The following RFT1 variants were observed in gnomAD, a reference collection of about 807,000 sequenced individuals.
RFT1 encodes RFT1 glycolipid translocator homolog.
In RFT1, 43 loss-of-function variants were observed where a neutral mutation model predicts 62.2. The observed-to-expected ratio is 0.69, with a 90% CI of 0.54 to 0.89. The LOEUF (loss-of-function observed/expected upper bound fraction) is 0.89. Among genes scored for constraint, RFT1 ranks in the 40% least tolerant of loss-of-function variants. RFT1 has a pLI of 0.00. For missense variants in RFT1, 605 were observed against 649.9 expected (o/e 0.93, Z 0.75); for synonymous variants, 262 against 264.6 (o/e 0.99, Z 0.10).
intron 11 of RFT1, 127 bp from the exon 12 acceptor site, chr3:53,092,745 C>T: frequency 9.1e-7 from 1 of 1,094,650 alleles, no homozygotes. Context: ...GTTTTCATAA[C>T]ATCGAATGCT....
the RFT1 span, among the ~76,000 whole-genome samples, chr3:53,082,653 G>T: frequency 3.3e-5 from 5 of 152,166 alleles, no homozygotes; most frequent in African/African-American, 1.2e-4. Context: ...GTAGCCCATA[G>T]ATAATAGATG....
intron 11 of RFT1, among the ~76,000 whole-genome samples, chr3:53,097,415 T>C (rs1701174207): frequency 6.6e-6 from 1 of 152,244 alleles, no homozygotes; most frequent in African/African-American, 2.4e-5. Flanking sequence ...TTACCCCACA[T>C]GGGAACTGCA....
At chr3:53,083,484 G>A (rs1675399751), downstream of RFT1, among the ~76,000 whole-genome samples, 2 of 131,580 alleles carry the variant, frequency 1.5e-5, no homozygotes, top group Non-Finnish European at 3.1e-5. Context: ...AACAGAGCAA[G>A]ACCCTATCTA....
In RFT1 at chr3:53,125,911, T is replaced by G. The variant is rs749357761; in HGVS notation, c.147A>C (p.Val49=). The change falls in exon 2 of 13, where the codon GTA becomes GTC. Residue 49 remains valine, a splice_region_variant and synonymous_variant. Coordinates refer to ENST00000296292, the MANE Select transcript of RFT1 (RefSeq NM_052859.4). ...LSKEIVGVVN[V]RLTLLYSTTL... ...TGCCAGGGTGCATCTCCTCCTACCT[T>G]ACATTTACTACGCCAACGATTTCCT... The G allele has an allele frequency of 6.2e-7, 1 of 1,612,986 alleles. No homozygotes were observed. The highest frequency in any genetic ancestry group is 2.2e-5 in the East Asian group (1 of 44,872).
the RFT1 span, among the ~76,000 whole-genome samples, chr3:53,077,424 C>G: frequency 6.6e-6 from 1 of 152,238 alleles, no homozygotes; most frequent in Admixed American, 6.5e-5. Context: ...AGGGGCTGCA[C>G]CCCATGCCTG....
chr3:53,096,670 G>C (rs1273651027), intron 11 of RFT1, among the ~76,000 whole-genome samples: 2 of 151,966 alleles, frequency 1.3e-5, no homozygotes, highest in African/African-American at 4.8e-5. Flanking sequence ...GCCACAGAGC[G>C]AGACTCTTGT....
chr3:53,112,378 C>T (rs900616182), intron 6 of RFT1, among the ~76,000 whole-genome samples: 1 of 152,202 alleles, frequency 6.6e-6, no homozygotes, highest in African/African-American at 2.4e-5. Flanking sequence ...TTAGCCTTCG[C>T]AGGTCAGGTA....
intron 11 of RFT1, among the ~76,000 whole-genome samples, chr3:53,096,542 G>A (rs1247902772): frequency 6.6e-6 from 1 of 151,816 alleles, no homozygotes; most frequent in Non-Finnish European, 1.5e-5. Flanking sequence ...AAAATTAGCT[G>A]GGCATGGTCG....
At chr3:53,130,206 C>A in intron 1 of RFT1, 132 bp downstream of exon 1, 3 of 919,924 alleles carry the variant, frequency 3.3e-6, no homozygotes, top group Non-Finnish European at 5.2e-6. Flanking sequence ...CCGGTCGACC[C>A]CCCCACCCCC....
In RFT1 at chr3:53,099,505, C is replaced by G. The variant is rs898383146; in HGVS notation, c.1103-19G>C. 6.2e-7 allele frequency: 1 copy of G among 1,601,652 alleles called. No homozygotes were observed. Among genetic ancestry groups the G allele is most frequent in the African/African-American group, 1.3e-5 (1 of 74,698 alleles). On this transcript the variant is annotated intron_variant, in intron 10 of 12. Transcript: ENST00000296292. ...ACAGGACCTACAAGGAAACAACTCA[C>G]TGAGACTCCAGAGCCCAATCAGAAG... is the stretch of plus-strand genomic sequence containing the variant.
intron 1 of RFT1, 134 bp downstream of exon 1, chr3:53,130,204 C>T (rs551427780): frequency 4.5e-6 from 4 of 889,526 alleles, no homozygotes; most frequent in African/African-American, 3.3e-5. Context: ...CTCCGGTCGA[C>T]CCCCCCACCC....
the RFT1 span, among the ~76,000 whole-genome samples, chr3:53,082,860 A>G: frequency 6.6e-6 from 1 of 152,168 alleles, no homozygotes; most frequent in Non-Finnish European, 1.5e-5. Flanking sequence ...CGTTTAGAAG[A>G]TGAAATACAC....
intron 2 of RFT1, 47 bp downstream of exon 2, chr3:53,125,862 G>C: frequency 7.0e-7 from 1 of 1,432,388 alleles, no homozygotes; most frequent in South Asian, 1.2e-5. Context: ...AAGAAAGCCT[G>C]GCTAGGAAGG....
intron 6 of RFT1, among the ~76,000 whole-genome samples, chr3:53,117,897 T>C (rs1701853022): frequency 6.6e-6 from 1 of 152,152 alleles, no homozygotes; most frequent in African/African-American, 2.4e-5. Flanking sequence ...TTTTATTTAT[T>C]TAGTTATTTA....
rs201321724 is a variant in RFT1 at position 53,123,848 on chromosome 3, T to C, written c.150-8A>G. 57 of 1,606,436 alleles carry C rather than the reference T, an allele frequency of 3.5e-5. No homozygotes were observed. Among genetic ancestry groups the C allele is most frequent in the East Asian group, 1.3e-4 (6 of 44,840 alleles). On this transcript the variant is annotated splice_region_variant and splice_polypyrimidine_tract_variant and intron_variant, in intron 2 of 12. Coordinates refer to ENST00000296292, the MANE Select transcript of RFT1 (RefSeq NM_052859.4). The stretch of plus-strand genomic sequence containing the variant: ...GAGTAAAGCAGCGTTAGTCTGTAAA[T>C]GAAAGGGAGAAATCAATAAGGTCTC...
In RFT1 at chr3:53,104,075, G is replaced by A. The variant is rs935232566; in HGVS notation, c.980C>T (p.Ala327Val). Residue 327 changes from alanine to valine, a missense_variant, in exon 10 of 13, where the codon GCA becomes GTA. Coordinates refer to ENST00000296292, the MANE Select transcript of RFT1 (RefSeq NM_052859.4). ...CAGCTTGAGCAGGGACTCCAAGACT[G>A]CAGCAGCCACAGCAACGTCCTCCTG... is the stretch of plus-strand genomic sequence containing the variant. ...QKQEDVAVAA[A>V]VLESLLKLAL... The A allele has an allele frequency of 6.2e-7, 1 of 1,614,052 alleles. No individual in the cohort carries two copies.
chr3:53,069,086 T>C, the RFT1 span, among the ~76,000 whole-genome samples: 2 of 152,208 alleles, frequency 1.3e-5, no homozygotes, highest in African/African-American at 4.8e-5. Flanking sequence ...ACTACAGGCA[T>C]GTGCCACTAC....
chr3:53,119,761 C>G, intron 6 of RFT1, 123 bp downstream of exon 6: 2 of 959,190 alleles, frequency 2.1e-6, no homozygotes, highest in Non-Finnish European at 3.1e-6. Context: ...AGCAAGCACT[C>G]CATAAATATG....
chr3:53,092,720 G>C, intron 11 of RFT1, 102 bp from the exon 12 acceptor site: 1 of 1,379,138 alleles, frequency 7.3e-7, no homozygotes, highest in Non-Finnish European at 1.0e-6. Context: ...AAGAACCTGA[G>C]CTCCTGGAAT....
Sources: gnomAD v4.1 joint callset for allele counts (sites outside exome capture counted in the v4.1 genomes callset) on GRCh38, gnomAD v4.1.1 for gene constraint, MANE v1.5 for transcripts, NCBI Gene and HGNC (gene_info 2026-07-23, HGNC 2026-07-21) for gene names.